The following PSD3 variants were observed in gnomAD, a reference collection of about 807,000 sequenced individuals.
PSD3 encodes PH and SEC7 domain-containing protein 3.
PSD3 carries 49 observed loss-of-function variants against 105.5 expected under a neutral mutation model. The ratio of observed to expected loss-of-function variants is 0.46; its 90% confidence interval spans 0.37 to 0.59. The LOEUF (loss-of-function observed/expected upper bound fraction) is 0.59, where lower values mean the gene tolerates loss of function less well. Ranked by LOEUF, PSD3 falls within the 20% of genes least tolerant of loss-of-function variation. The pLI is 0.00. For missense variants in PSD3, 1,561 were observed against 1,263.8 expected (o/e 1.24, Z -3.57); for synonymous variants, 557 against 457.8 (o/e 1.22, Z -2.77).
At chr8:18,588,272 T>C (rs1397610412) in intron 12 of PSD3, among the ~76,000 whole-genome samples, 1 of 152,150 alleles carries the variant, frequency 6.6e-6, no homozygotes, top group Non-Finnish European at 1.5e-5. Flanking sequence ...CAGAACCAGG[T>C]AGAAACCACA....
intron 11 of PSD3, among the ~76,000 whole-genome samples, chr8:18,607,691 AAAAACAAAAC>A (rs869090468): frequency 0.015 from 1,446 of 94,022 alleles, 74 homozygotes; most frequent in African/African-American, 0.055. Flanking sequence ...TACAAAAAAA[AAAAACAAAAC>A]AAAAAAAAAA....
intron 2 of PSD3, among the ~76,000 whole-genome samples, chr8:18,902,305 G>T (rs1378379077): frequency 6.6e-6 from 1 of 152,042 alleles, no homozygotes; most frequent in African/African-American, 2.4e-5. Context: ...TTATTTCACT[G>T]ATTGAATTCT....
At chr8:19,049,984 C>A (rs1236925496) in intron 1 of PSD3, among the ~76,000 whole-genome samples, 3 of 152,142 alleles carry the variant, frequency 2.0e-5, no homozygotes, top group Non-Finnish European at 4.4e-5. Context: ...CACTTTTCAA[C>A]AGAAAGTTGA....
At chr8:18,974,577 C>T (rs1824826544) in intron 1 of PSD3, among the ~76,000 whole-genome samples, 1 of 151,804 alleles carries the variant, frequency 6.6e-6, no homozygotes, top group Non-Finnish European at 1.5e-5. Context: ...AGGGAACACA[C>T]AGAGCAACAA....
rs185505103 is a variant in PSD3 at position 18,847,257 on chromosome 8, T to G, written c.1634+20417A>C. On this transcript the variant is annotated intron_variant, in intron 4 of 15. Coordinates refer to ENST00000327040, the MANE Select transcript of PSD3 (RefSeq NM_015310.4). ...CCTACTGTCCTGGTGCTTCCCTTCCTGGAAAAGGTGCAATTGGGGTTTCAA... is the reference window on the plus strand; with the variant it reads ...CCTACTGTCCTGGTGCTTCCCTTCCGGGAAAAGGTGCAATTGGGGTTTCAA... Among the ~76,000 whole-genome samples the G allele has an allele frequency of 2.6e-5, 4 of 152,280 alleles. No homozygotes were observed. In the East Asian group the frequency reaches 5.8e-4, roughly 22 times the overall value.
At chr8:18,775,025 C>T (rs898133363) in intron 8 of PSD3, 2 of 454,170 alleles carry the variant, frequency 4.4e-6, no homozygotes, top group Non-Finnish European at 8.9e-6. Flanking sequence ...CCTCCTCCTC[C>T]TACCTTCTGG....
intron 2 of PSD3, among the ~76,000 whole-genome samples, chr8:18,916,339 T>TACACAC (rs1820596270): frequency 1.1e-4 from 5 of 45,468 alleles, no homozygotes; most frequent in Admixed American, 2.5e-4. Context: ...TATATATATA[T>TACACAC]ATATATATAT....
intron 9 of PSD3, among the ~76,000 whole-genome samples, chr8:18,708,668 G>C (rs1410317916): frequency 1.3e-5 from 2 of 152,048 alleles, no homozygotes; most frequent in Non-Finnish European, 2.9e-5. Context: ...TTTAATAAAA[G>C]AAATGCTAGT....
At chr8:18,786,076 T>C (rs1809117450) in intron 8 of PSD3, among the ~76,000 whole-genome samples, 1 of 152,096 alleles carries the variant, frequency 6.6e-6, no homozygotes, top group Non-Finnish European at 1.5e-5. Context: ...ATAAAAAGTT[T>C]CCCTGTGGTC....
At chr8:18,640,085 T>C (rs1418841776) in intron 10 of PSD3, among the ~76,000 whole-genome samples, 1 of 152,092 alleles carries the variant, frequency 6.6e-6, no homozygotes, top group Non-Finnish European at 1.5e-5. Context: ...AAAAAACAGC[T>C]CTTGGAAGCA....
At chr8:18,908,482 T>C (rs537275110) in intron 2 of PSD3, among the ~76,000 whole-genome samples, 1 of 152,260 alleles carries the variant, frequency 6.6e-6, no homozygotes, top group African/African-American at 2.4e-5. Context: ...AAAGAACAAA[T>C]GAGCATACCT....
chr8:19,074,509 GT>G (rs1829382172), intron 1 of PSD3, among the ~76,000 whole-genome samples: 1 of 143,554 alleles, frequency 7.0e-6, no homozygotes, highest in Admixed American at 7.1e-5. Flanking sequence ...ACATTGTATT[GT>G]TTTCCAAACA....
At chr8:18,564,618 G>C (rs1801614780) in intron 14 of PSD3, among the ~76,000 whole-genome samples, 1 of 140,636 alleles carries the variant, frequency 7.1e-6, no homozygotes, top group East Asian at 2.1e-4. Context: ...GATAGAGTGA[G>C]ACCTTGTCTC....
chr8:19,015,754 G>T (rs182998962), upstream of PSD3, among the ~76,000 whole-genome samples: 2 of 152,176 alleles, frequency 1.3e-5, no homozygotes, highest in Non-Finnish European at 2.9e-5. Flanking sequence ...ATACAGAAGT[G>T]TTATTAGCAT....
At chr8:18,681,988 G>A (rs1286849467) in intron 9 of PSD3, among the ~76,000 whole-genome samples, 3 of 148,056 alleles carry the variant, frequency 2.0e-5, no homozygotes, top group Non-Finnish European at 4.4e-5. Flanking sequence ...TAACTCCTGC[G>A]GCGTTTGCAA....
At chr8:18,571,140 C>T (rs1187189694) in intron 14 of PSD3, among the ~76,000 whole-genome samples, 1 of 152,098 alleles carries the variant, frequency 6.6e-6, no homozygotes, top group East Asian at 1.9e-4. Context: ...GGATTACAGG[C>T]ATGAGCCACT....
intron 8 of PSD3, among the ~76,000 whole-genome samples, chr8:18,769,562 C>G (rs536751728): frequency 4.9e-4 from 74 of 152,274 alleles, no homozygotes; most frequent in African/African-American, 1.8e-3. Context: ...GCAATCACCA[C>G]CACTATCTAC....
chr8:19,013,463 G>A, intron 1 of PSD3, 100 bp downstream of exon 1: 5 of 1,520,686 alleles, frequency 3.3e-6, no homozygotes, highest in Admixed American at 1.8e-5. Context: ...GTGGCCCCGG[G>A]ATCCTGGGGG....
At chr8:18,789,673 T>C (rs1023663356) in intron 8 of PSD3, among the ~76,000 whole-genome samples, 3 of 152,120 alleles carry the variant, frequency 2.0e-5, no homozygotes, top group Admixed American at 2.0e-4. Context: ...CACACCTAAC[T>C]CACTGTCAAA....
Sources: allele counts gnomAD v4.1 joint callset (sites outside exome capture counted in the v4.1 genomes callset), GRCh38; gene constraint gnomAD v4.1.1; transcripts MANE v1.5; gene names NCBI Gene and HGNC (gene_info 2026-07-23, HGNC 2026-07-21).